The following RPS6KC1 variants were observed in gnomAD, a reference collection of about 807,000 sequenced individuals.
The protein encoded by RPS6KC1 is inactive ribosomal protein S6 kinase delta-1.
Under a neutral mutation model 103.8 loss-of-function variants are expected in RPS6KC1, and 54 were observed. The observed-to-expected ratio is 0.52, with a 90% CI of 0.42 to 0.65. The LOEUF is 0.65. RPS6KC1 is among the 30% of genes least tolerant of loss of function. The probability of loss-of-function intolerance (pLI) is 0.00; values close to 1 mark genes in which losing one functional copy is unlikely to be tolerated. For synonymous variants in RPS6KC1, 439 were observed against 438.7 expected, an observed-to-expected ratio of 1.00 and a Z score of -0.01; for missense variants, 1,151 against 1,253.8, an observed-to-expected ratio of 0.92 and a Z score of 1.24.
chr1:213,313,585 G>A, the RPS6KC1 span, among the ~76,000 whole-genome samples: 1 of 151,982 alleles, frequency 6.6e-6, no homozygotes, highest in Admixed American at 6.5e-5. Context: ...TGTCCATTTC[G>A]CAGTCAGTCA....
intron 5 of RPS6KC1, among the ~76,000 whole-genome samples, chr1:213,125,271 G>A (rs1343651951): frequency 6.6e-6 from 1 of 151,988 alleles, no homozygotes; most frequent in African/African-American, 2.4e-5. Flanking sequence ...CTCATTTGTA[G>A]TTTGTTGTTT....
chr1:213,374,059 G>T, the RPS6KC1 span, among the ~76,000 whole-genome samples: 2 of 152,156 alleles, frequency 1.3e-5, no homozygotes, highest in Non-Finnish European at 2.9e-5. Flanking sequence ...ACATCCTGGA[G>T]CAAACATAAA....
At chr1:213,585,596 C>T in the RPS6KC1 span, among the ~76,000 whole-genome samples, 460 of 152,316 alleles carry the variant, frequency 3.0e-3, 3 homozygotes, top group African/African-American at 0.011. Flanking sequence ...GTGAGAACAG[C>T]CCAGGCAGGT....
At chr1:213,793,872 G>T in the RPS6KC1 span, among the ~76,000 whole-genome samples, 23,993 of 151,940 alleles carry the variant, frequency 0.16, 3,286 homozygotes, top group African/African-American at 0.37. Flanking sequence ...GGGTTTTTTT[G>T]TGTGTGTGTT....
the RPS6KC1 span, among the ~76,000 whole-genome samples, chr1:213,397,238 C>T: frequency 5.9e-5 from 9 of 152,144 alleles, no homozygotes; most frequent in African/African-American, 2.2e-4. Context: ...CATCAGTTAG[C>T]GTTTGGCAGA....
intron 8 of RPS6KC1, among the ~76,000 whole-genome samples, chr1:213,228,084 G>A (rs879475971): frequency 1.2e-4 from 18 of 152,244 alleles, no homozygotes; most frequent in Middle Eastern, 3.4e-3. Flanking sequence ...CCCCCAAATC[G>A]AAGGGTTAGA....
the RPS6KC1 span, among the ~76,000 whole-genome samples, chr1:213,713,504 C>T: frequency 6.6e-6 from 1 of 152,132 alleles, no homozygotes; most frequent in East Asian, 1.9e-4. Context: ...TAAATGCTGT[C>T]ATTCTTGGAT....
At chr1:213,294,089 T>C in the RPS6KC1 span, among the ~76,000 whole-genome samples, 2 of 152,194 alleles carry the variant, frequency 1.3e-5, no homozygotes, top group African/African-American at 4.8e-5. Context: ...TTTATTCAGA[T>C]GCCACAGCAT....
the RPS6KC1 span, among the ~76,000 whole-genome samples, chr1:213,856,194 T>C: frequency 6.6e-6 from 1 of 152,066 alleles, no homozygotes; most frequent in East Asian, 1.9e-4. Flanking sequence ...GTGGAGGATA[T>C]AAAACCAAGC....
the RPS6KC1 span, among the ~76,000 whole-genome samples, chr1:213,498,549 G>T: frequency 6.6e-6 from 1 of 151,876 alleles, no homozygotes; most frequent in African/African-American, 2.4e-5. Context: ...CTGCCTCCCA[G>T]ATTCACGCCA....
intron 6 of RPS6KC1, among the ~76,000 whole-genome samples, chr1:213,153,967 G>C (rs1422946413): frequency 6.6e-6 from 1 of 152,102 alleles, no homozygotes; most frequent in African/African-American, 2.4e-5. Context: ...CTGCTTTAGG[G>C]CTCACCACAA....
chr1:213,763,937 G>A, the RPS6KC1 span, among the ~76,000 whole-genome samples: 1 of 152,298 alleles, frequency 6.6e-6, no homozygotes, highest in East Asian at 1.9e-4. Flanking sequence ...GCTGGAGAAG[G>A]TGGTTTCCCC....
chr1:213,597,000 T>C, the RPS6KC1 span, among the ~76,000 whole-genome samples: 1 of 152,334 alleles, frequency 6.6e-6, no homozygotes, highest in Middle Eastern at 3.4e-3. Flanking sequence ...AAAGCCACTG[T>C]CAGCATAGAC....
the RPS6KC1 span, among the ~76,000 whole-genome samples, chr1:213,706,831 G>A: frequency 6.6e-6 from 1 of 152,090 alleles, no homozygotes; most frequent in Non-Finnish European, 1.5e-5. Flanking sequence ...AGTTTGCTGA[G>A]AATGATGGTT....
the RPS6KC1 span, among the ~76,000 whole-genome samples, chr1:213,638,484 TTTTAAA>T: frequency 6.6e-6 from 1 of 152,150 alleles, no homozygotes; most frequent in Non-Finnish European, 1.5e-5. Flanking sequence ...AAGTTATACA[TTTTAAA>T]TTTAAATCTA....
the RPS6KC1 span, among the ~76,000 whole-genome samples, chr1:213,654,913 G>A: frequency 1.3e-5 from 2 of 152,204 alleles, no homozygotes; most frequent in Non-Finnish European, 1.5e-5. Context: ...CACCCAATGA[G>A]TAAACTATAG....
At chr1:213,827,410 T>C in the RPS6KC1 span, among the ~76,000 whole-genome samples, 4 of 152,182 alleles carry the variant, frequency 2.6e-5, no homozygotes, top group Non-Finnish European at 5.9e-5. Context: ...ACCTCCATGC[T>C]AGGCACTCCA....
the RPS6KC1 span, among the ~76,000 whole-genome samples, chr1:213,839,267 G>A: frequency 1.3e-5 from 2 of 152,202 alleles, no homozygotes; most frequent in African/African-American, 4.8e-5. Flanking sequence ...GAGATGCACA[G>A]AGGTGTCAGT....
intron 8 of RPS6KC1, among the ~76,000 whole-genome samples, chr1:213,203,096 C>T (rs1178671433): frequency 4.6e-5 from 7 of 152,122 alleles, no homozygotes; most frequent in Non-Finnish European, 7.4e-5. Flanking sequence ...GTGTTTTAAA[C>T]TCCTACTAGT....
Sources: gnomAD v4.1 joint callset for allele counts (sites outside exome capture counted in the v4.1 genomes callset) on GRCh38, gnomAD v4.1.1 for gene constraint, MANE v1.5 for transcripts, NCBI Gene and HGNC (gene_info 2026-07-23, HGNC 2026-07-21) for gene names.